SNCAIP: variants seen among roughly 807,000 people sequenced by gnomAD.
SNCAIP encodes synuclein alpha interacting protein, also known as synphilin-1.
SNCAIP carries 43 observed loss-of-function variants against 86.7 expected under a neutral mutation model. The ratio of observed to expected loss-of-function variants is 0.50; its 90% confidence interval spans 0.39 to 0.64. The LOEUF is 0.64. Among genes scored for constraint, SNCAIP ranks in the 30% least tolerant of loss-of-function variants. SNCAIP has a pLI of 0.00. For missense variants in SNCAIP, 981 were observed against 1,103.1 expected, an observed-to-expected ratio of 0.89 and a Z score of 1.57; for synonymous variants, 417 against 427.2, an observed-to-expected ratio of 0.98 and a Z score of 0.29.
intron 1 of SNCAIP, among the ~76,000 whole-genome samples, chr5:122,351,542 A>G (rs1167761916): frequency 8.0e-6 from 1 of 125,350 alleles, no homozygotes; most frequent in Non-Finnish European, 1.7e-5. Context: ...GTATCAAAAA[A>G]AAAAAAAAAA....
At chr5:122,380,453 A>G (rs1478752291) in intron 1 of SNCAIP, among the ~76,000 whole-genome samples, 2 of 150,390 alleles carry the variant, frequency 1.3e-5, no homozygotes, top group African/African-American at 4.9e-5. Context: ...TAGTCTTGCT[A>G]GTGGTCTATC....
chr5:122,416,530 C>T (rs573992441), intron 3 of SNCAIP, among the ~76,000 whole-genome samples: 1 of 152,320 alleles, frequency 6.6e-6, no homozygotes, highest in South Asian at 2.1e-4. Flanking sequence ...AGTGCCCCAT[C>T]ACAATTCTCC....
At chr5:122,396,123 T>G (rs1770573243) in intron 2 of SNCAIP, among the ~76,000 whole-genome samples, 1 of 152,188 alleles carries the variant, frequency 6.6e-6, no homozygotes, top group Admixed American at 6.6e-5. Flanking sequence ...TATCCTGCAT[T>G]CAAGGCTAAA....
chr5:122,391,880 A>G (rs1769442804), intron 2 of SNCAIP, among the ~76,000 whole-genome samples: 3 of 152,198 alleles, frequency 2.0e-5, no homozygotes, highest in Non-Finnish European at 2.9e-5. Context: ...CACATAATCA[A>G]TTCTGCTACG....
chr5:122,428,928 T>G (rs548532879), intron 5 of SNCAIP, among the ~76,000 whole-genome samples: 1 of 152,090 alleles, frequency 6.6e-6, no homozygotes, highest in Non-Finnish European at 1.5e-5. Context: ...GAACTCATCC[T>G]TTTTTATGGA....
At chr5:122,319,794 C>T (rs75676819) in intron 1 of SNCAIP, among the ~76,000 whole-genome samples, 1 of 152,162 alleles carries the variant, frequency 6.6e-6, no homozygotes, top group Non-Finnish European at 1.5e-5. Flanking sequence ...CGGATGCCAG[C>T]CCTTTTTGAA....
chr5:122,451,653 G>A (rs769984086), intron 10 of SNCAIP, 52 bp downstream of exon 10: 2 of 1,292,096 alleles, frequency 1.5e-6, no homozygotes, highest in Non-Finnish European at 1.1e-6. Flanking sequence ...GGATTATGTT[G>A]TTCCTAATAT....
intron 7 of SNCAIP, 144 bp from the exon 8 acceptor site, chr5:122,444,419 A>G (rs1447018679): frequency 7.8e-6 from 6 of 767,620 alleles, no homozygotes; most frequent in South Asian, 1.4e-5. Context: ...CTACATCATC[A>G]TAGACTCTGA....
intron 1 of SNCAIP, among the ~76,000 whole-genome samples, chr5:122,342,549 C>A (rs78897058): frequency 8.5e-5 from 13 of 152,200 alleles, no homozygotes; most frequent in Non-Finnish European, 1.8e-4. Context: ...TGTTTTCAGA[C>A]GTTGTGTCAT....
intron 1 of SNCAIP, chr5:122,321,157 T>C (rs1045178016): frequency 4.6e-5 from 7 of 152,144 alleles, no homozygotes; most frequent in Admixed American, 2.0e-4. Flanking sequence ...CTTAAAAAAG[T>C]AAAAGGGAAC....
intron 6 of SNCAIP, chr5:122,440,330 C>T (rs1217975425): frequency 5.2e-6 from 2 of 388,292 alleles, no homozygotes; most frequent in African/African-American, 2.1e-5. Flanking sequence ...AGCTGTGTGC[C>T]TTGGATGAGG....
At chr5:122,317,616 C>T (rs1422362724) in intron 1 of SNCAIP, among the ~76,000 whole-genome samples, 1 of 152,040 alleles carries the variant, frequency 6.6e-6, no homozygotes, top group Non-Finnish European at 1.5e-5. Flanking sequence ...GAAGGAAGTA[C>T]ATGGGAGACT....
chr5:122,320,283 C>T (rs916655076), intron 1 of SNCAIP, among the ~76,000 whole-genome samples: 10 of 152,326 alleles, frequency 6.6e-5, no homozygotes, highest in African/African-American at 2.2e-4. Context: ...ACAGTTTGCA[C>T]ACTTGGAAAC....
chr5:122,383,698 T>G (rs1297792119), intron 1 of SNCAIP: 1 of 152,176 alleles, frequency 6.6e-6, no homozygotes, highest in East Asian at 1.9e-4. Context: ...TGAAATGACC[T>G]CCAAATCACT....
chr5:122,369,468 G>C lies in SNCAIP; in HGVS notation c.-46-21621G>C, dbSNP rs72789022. Among the ~76,000 whole-genome samples the C allele has an allele frequency of 9.7e-3, 1,479 of 152,322 alleles. 13 individuals are homozygous for C. Among genetic ancestry groups the C allele is most frequent in the Middle Eastern group, 0.041 (12 of 294 alleles). On this transcript the variant is annotated intron_variant, in intron 1 of 10. Transcript: ENST00000261368. ...TTTACATCTGAACCACTTTACATAG[G>C]ATTGCAAGTTAAAGCAAATTCTAAA...
intron 3 of SNCAIP, among the ~76,000 whole-genome samples, chr5:122,410,339 A>G (rs539024627): frequency 6.6e-6 from 1 of 152,216 alleles, no homozygotes; most frequent in South Asian, 2.1e-4. Flanking sequence ...TTTTGGATGG[A>G]CCACAGAACT....
chr5:122,452,300 T>C (rs925639764), intron 10 of SNCAIP, among the ~76,000 whole-genome samples: 2 of 152,226 alleles, frequency 1.3e-5, no homozygotes, highest in African/African-American at 4.8e-5. Flanking sequence ...TATGAACATC[T>C]TTTTAGGCAA....
At chr5:122,407,090 C>T (rs1219718261) in intron 3 of SNCAIP, among the ~76,000 whole-genome samples, 1 of 152,160 alleles carries the variant, frequency 6.6e-6, no homozygotes, top group African/African-American at 2.4e-5. Flanking sequence ...GACAAGGCCT[C>T]TGTGCTCATG....
intron 1 of SNCAIP, among the ~76,000 whole-genome samples, chr5:122,361,945 G>C (rs1762295380): frequency 6.6e-6 from 1 of 152,178 alleles, no homozygotes; most frequent in African/African-American, 2.4e-5. Context: ...CTACTCCTAG[G>C]GGATAGATTC....
Sources: allele counts gnomAD v4.1 joint callset (sites outside exome capture counted in the v4.1 genomes callset), GRCh38; gene constraint gnomAD v4.1.1; transcripts MANE v1.5; gene names NCBI Gene and HGNC (gene_info 2026-07-23, HGNC 2026-07-21).